Variants in PARD6A observed in about 807,000 individuals in gnomAD.
PARD6A encodes the protein partitioning defective 6 homolog alpha.
PARD6A carries 20 observed loss-of-function variants against 21.3 expected under a neutral mutation model. The observed-to-expected ratio is 0.94, with a 90% CI of 0.66 to 1.36. The LOEUF (loss-of-function observed/expected upper bound fraction) is 1.36, where lower values mean the gene tolerates loss of function less well. Ranked by LOEUF, PARD6A falls within the 40% of genes most tolerant of loss-of-function variation. The pLI, the probability that PARD6A is intolerant of heterozygous loss-of-function variation, is 0.00. For missense variants in PARD6A, 411 were observed against 482.0 expected (o/e 0.85, Z 1.38); for synonymous variants, 214 against 204.8 (o/e 1.04, Z -0.38).
chr16:67,662,754 T>A lies in PARD6A; in HGVS notation c.*107T>A. The A allele has an allele frequency of 9.2e-7, 1 of 1,089,176 alleles. No individual in the cohort carries two copies. The highest frequency in any genetic ancestry group is 1.3e-6 in the Non-Finnish European group (1 of 783,182). The allele number at this position is 1,089,176 out of a possible 1,614,324, so 67.5% of individuals were successfully genotyped here. The stretch of plus-strand genomic sequence containing the variant: ...AGGGCTCCCTCAGCCTGGGGAACAT[T>A]AAAGGTTTTCTACAAATACAGTCAT... On this transcript the variant is annotated 3_prime_UTR_variant, in exon 3 of 3. Transcript: ENST00000458121. The surrounding 1 kb of genome is among the most constrained non-coding windows in gnomAD (Gnocchi z 6.9).
At position 67,661,460 on chromosome 16, in the gene PARD6A, C is replaced by A; in HGVS notation, c.69C>A (p.Asp23Glu). 6.2e-7 allele frequency: 1 copy of A among 1,607,234 alleles called. No individual in the cohort carries two copies. The highest frequency in any genetic ancestry group is 8.5e-7 in the Non-Finnish European group (1 of 1,179,932). Residue 23 changes from aspartate to glutamate, a missense_variant, in exon 2 of 3, where the codon GAC becomes GAA. Coordinates refer to ENST00000458121, the MANE Select transcript of PARD6A (RefSeq NM_001037281.2). This position sits in a 1 kb window ranked among gnomAD's most constrained non-coding sequence, Gnocchi z 7.0. ...CCCCCAACCCCGACTTCCAGTTTGA[C>A]GCCGAGTTCCGACGCTTCGCGCTGC... ...DSIVEVKSKF[D>E]AEFRRFALPR...
chr16:67,662,515 G>T lies in PARD6A; in HGVS notation c.906G>T (p.Pro302=). The change falls in exon 3 of 3, where the codon CCG becomes CCT. Residue 302 remains proline, a synonymous_variant. Coordinates refer to ENST00000458121, the MANE Select transcript of PARD6A (RefSeq NM_001037281.2). The surrounding 1 kb of genome is among the most constrained non-coding windows in gnomAD (Gnocchi z 6.9). ...PSSNGLSQGP[P]CWDLHPGCRH... is the part of the protein sequence containing the mutation. Reference sequence around the variant, plus strand: ...CCAATGGGCTGTCTCAGGGGCCCCCGTGCTGGGACCTGCACCCTGGCTGCC... The same window carrying T: ...CCAATGGGCTGTCTCAGGGGCCCCCTTGCTGGGACCTGCACCCTGGCTGCC... The T allele has an allele frequency of 6.2e-7, 1 of 1,613,404 alleles. No homozygotes were observed. Among genetic ancestry groups the T allele is most frequent in the Non-Finnish European group, 8.5e-7 (1 of 1,180,016 alleles).
Position 67,662,692 on chromosome 16 carries a change from GC to G in PARD6A, c.*46del. ...TGCCACTCCACACTGCTGGGACATG[GC>G]AGGGACTTCACAGTGGGGGTTTTTA... On this transcript the variant is annotated 3_prime_UTR_variant, in exon 3 of 3. Coordinates refer to ENST00000458121, the MANE Select transcript of PARD6A (RefSeq NM_001037281.2). This position sits in a 1 kb window ranked among gnomAD's most constrained non-coding sequence, Gnocchi z 6.9. The G allele has an allele frequency of 6.8e-7, 1 of 1,477,792 alleles. No individual in the cohort carries two copies. Among genetic ancestry groups the G allele is most frequent in the Non-Finnish European group, 9.0e-7 (1 of 1,115,506 alleles). The allele number at this position is 1,477,792 out of a possible 1,614,324, so 91.5% of individuals were successfully genotyped here. A position where few individuals can be genotyped will look rare whatever the true frequency, so the allele number is the denominator to read the frequency against.
chr16:67,661,535 G>A lies in PARD6A; in HGVS notation c.144G>A (p.Ala48=), dbSNP rs750180592. The part of the protein sequence containing the change: ...GFQEFSRLLR[A]VHQIPGLDVL... ...AGGAGTTCTCGCGGTTGCTGCGGGCGGTGCACCAGATCCCGGGCCTGGACG... is the reference window on the plus strand; with the variant it reads ...AGGAGTTCTCGCGGTTGCTGCGGGCAGTGCACCAGATCCCGGGCCTGGACG... Residue 48 remains alanine (A), a synonymous_variant, in exon 2 of 3, where the codon GCG becomes GCA. Coordinates refer to ENST00000458121, the MANE Select transcript of PARD6A (RefSeq NM_001037281.2). The surrounding 1 kb of genome is among the most constrained non-coding windows in gnomAD (Gnocchi z 7.0). 1.7e-5 allele frequency: 28 copies of A among 1,610,160 alleles called. No individual in the cohort carries two copies. The highest frequency in any genetic ancestry group is 1.7e-5 in the Admixed American group (1 of 60,006).
rs149729712 is a variant in PARD6A at position 67,662,145 on chromosome 16, G to A, written c.536G>A (p.Arg179His). ...GFYIRDGMSV[R>H]VAPQGLERVP... The stretch of plus-strand genomic sequence containing the variant: ...TACATCCGAGATGGCATGAGCGTGC[G>A]TGTGGCTCCCCAGGGCCTGGAGCGG... Residue 179 changes from arginine to histidine, a missense_variant, in exon 3 of 3, where the codon CGT becomes CAT. By Grantham distance (29) the Arg-to-His change is conservative. Transcript: ENST00000458121. This position sits in a 1 kb window ranked among gnomAD's most constrained non-coding sequence, Gnocchi z 6.9. The A allele has an allele frequency of 1.2e-5, 19 of 1,613,800 alleles. No individual in the cohort carries two copies. The highest frequency in any genetic ancestry group is 2.2e-5 in the South Asian group (2 of 91,090).
chr16:67,662,332 C>G lies in PARD6A; in HGVS notation c.723C>G (p.Leu241=). The change falls in exon 3 of 3, where the codon CTC becomes CTG. Residue 241 remains leucine (L), a synonymous_variant. Transcript: ENST00000458121. The surrounding 1 kb of genome is among the most constrained non-coding windows in gnomAD (Gnocchi z 6.9). The part of the protein sequence containing the change: ...TDMMVANSHN[L]IVTVKPANQR... ...TGATGGTTGCCAACAGCCATAACCTCATTGTCACTGTCAAGCCCGCCAACC... is the reference window on the plus strand; with the variant it reads ...TGATGGTTGCCAACAGCCATAACCTGATTGTCACTGTCAAGCCCGCCAACC... 6.2e-7 allele frequency: 1 copy of G among 1,614,128 alleles called. No homozygotes were observed. Among genetic ancestry groups the G allele is most frequent in the Non-Finnish European group, 8.5e-7 (1 of 1,180,034 alleles).
Position 67,661,552 on chromosome 16 carries a change from G to C in PARD6A, c.161G>C (p.Gly54Ala), listed in dbSNP as rs748967256. 1.2e-6 allele frequency: 2 copies of C among 1,610,520 alleles called. No individual in the cohort carries two copies. Among genetic ancestry groups the C allele is most frequent in the Non-Finnish European group, 1.7e-6 (2 of 1,179,968 alleles). The change falls in exon 2 of 3, where the codon GGC becomes GCC. Residue 54 changes from glycine to alanine, a missense_variant. By Grantham distance (60) the Gly-to-Ala change is moderately conservative. Transcript: ENST00000458121. The surrounding 1 kb of genome is among the most constrained non-coding windows in gnomAD (Gnocchi z 7.0). ...CTGCGGGCGGTGCACCAGATCCCGG[G>C]CCTGGACGTGCTACTTGGCTATACG... ...RLLRAVHQIP[G>A]LDVLLGYTDA...
In PARD6A at chr16:67,661,723, T is replaced by G; in HGVS notation, c.286+46T>G. 1 of 1,591,948 alleles carries G rather than the reference T, an allele frequency of 6.3e-7. No homozygotes were observed. The highest frequency in any genetic ancestry group is 1.3e-5 in the African/African-American group (1 of 74,792). ...CAGCCTCTGTGGGGTAAGGTGTCTG[T>G]GGGGCAGGTCTACAAGGGTTAGTCC... On this transcript the variant is annotated intron_variant, in intron 2 of 2. Coordinates refer to ENST00000458121, the MANE Select transcript of PARD6A (RefSeq NM_001037281.2). This position sits in a 1 kb window ranked among gnomAD's most constrained non-coding sequence, Gnocchi z 7.0.
In PARD6A at chr16:67,662,362, C is replaced by T. The variant is rs772904127; in HGVS notation, c.753C>T (p.Arg251=). 20 of 1,614,120 alleles carry T rather than the reference C, an allele frequency of 1.2e-5. No individual in the cohort carries two copies. The Admixed American group carries it at 3.3e-4, about 27-fold the overall frequency. ...TCACTGTCAAGCCCGCCAACCAGCG[C>T]AATAACGTGGTGCGAGGGGCATCTG... is the stretch of plus-strand genomic sequence containing the variant. The part of the protein sequence containing the change: ...LIVTVKPANQ[R]NNVVRGASGR... The change falls in exon 3 of 3, where the codon CGC becomes CGT. Residue 251 remains arginine, a synonymous_variant. Transcript: ENST00000458121. This position sits in a 1 kb window ranked among gnomAD's most constrained non-coding sequence, Gnocchi z 6.9.
In PARD6A at chr16:67,662,622, G is replaced by A. The variant is rs1356803044; in HGVS notation, c.1013G>A (p.Gly338Glu). 1.9e-6 allele frequency: 3 copies of A among 1,593,030 alleles called. No homozygotes were observed. Among genetic ancestry groups the A allele is most frequent in the Admixed American group, 3.4e-5 (2 of 58,460 alleles). ...ASSGWGSRIR[G>E]DGSGFSL ...TCTGGCTGGGGGAGTCGCATTCGAGGAGATGGTAGTGGCTTCAGCCTCTGA... is the reference window on the plus strand; with the variant it reads ...TCTGGCTGGGGGAGTCGCATTCGAGAAGATGGTAGTGGCTTCAGCCTCTGA... The change falls in exon 3 of 3, where the codon GGA (glycine) becomes GAA (glutamate). Residue 338 changes from glycine to glutamate, a missense_variant. Transcript: ENST00000458121. The surrounding 1 kb of genome is among the most constrained non-coding windows in gnomAD (Gnocchi z 6.9).
In PARD6A at chr16:67,662,612, C is replaced by T. The variant is rs201234158; in HGVS notation, c.1003C>T (p.Arg335Cys). The change falls in exon 3 of 3, where the codon CGC (arginine) becomes TGC (cysteine). Residue 335 changes from arginine to cysteine, a missense_variant. Coordinates refer to ENST00000458121, the MANE Select transcript of PARD6A (RefSeq NM_001037281.2). This position sits in a 1 kb window ranked among gnomAD's most constrained non-coding sequence, Gnocchi z 6.9. ...QEQASSGWGS[R>C]IRGDGSGFSL Reference sequence around the variant, plus strand: ...GCAGGCCAGTTCTGGCTGGGGGAGTCGCATTCGAGGAGATGGTAGTGGCTT... The same window carrying T: ...GCAGGCCAGTTCTGGCTGGGGGAGTTGCATTCGAGGAGATGGTAGTGGCTT... 21 of 1,600,894 alleles carry T rather than the reference C, an allele frequency of 1.3e-5. No individual in the cohort carries two copies. Among genetic ancestry groups the T allele is most frequent in the East Asian group, 4.5e-5 (2 of 44,730 alleles).
rs756232775 is a variant in PARD6A, at chr16:67,662,522, G to A, written c.913G>A (p.Asp305Asn). 1 of 1,613,342 alleles carries A rather than the reference G, an allele frequency of 6.2e-7. No homozygotes were observed. Among genetic ancestry groups the A allele is most frequent in the Non-Finnish European group, 8.5e-7 (1 of 1,180,008 alleles). ...NGLSQGPPCW[D>N]LHPGCRHPGT... Reference sequence around the variant, plus strand: ...GCTGTCTCAGGGGCCCCCGTGCTGGGACCTGCACCCTGGCTGCCGACATCC... The same window carrying A: ...GCTGTCTCAGGGGCCCCCGTGCTGGAACCTGCACCCTGGCTGCCGACATCC... Residue 305 changes from aspartate to asparagine, a missense_variant, in exon 3 of 3, where the codon GAC becomes AAC. Coordinates refer to ENST00000458121, the MANE Select transcript of PARD6A (RefSeq NM_001037281.2). This position sits in a 1 kb window ranked among gnomAD's most constrained non-coding sequence, Gnocchi z 6.9.
rs769087929 is a variant in PARD6A, at chr16:67,662,642, C to T, written c.1033C>T (p.Leu345Phe). ...TCGAGGAGATGGTAGTGGCTTCAGCCTCTGACAGTCAGGATGAAGCCCCAT... is the reference window on the plus strand; with the variant it reads ...TCGAGGAGATGGTAGTGGCTTCAGCTTCTGACAGTCAGGATGAAGCCCCAT... ...RIRGDGSGFS[L>F] Residue 345 changes from leucine to phenylalanine, a missense_variant, in exon 3 of 3, where the codon CTC (leucine) becomes TTC (phenylalanine). By Grantham distance (22) the Leu-to-Phe change is conservative. Transcript: ENST00000458121. The surrounding 1 kb of genome is among the most constrained non-coding windows in gnomAD (Gnocchi z 6.9). 1.0e-5 allele frequency: 16 copies of T among 1,560,952 alleles called. No individual in the cohort carries two copies. Among genetic ancestry groups the T allele is most frequent in the Non-Finnish European group, 1.4e-5 (16 of 1,152,846 alleles).
chr16:67,661,040 TGGCCC>T lies in PARD6A; in HGVS notation c.7_11del (p.Arg3_?4). 3 of 1,560,746 alleles carry T rather than the reference TGGCCC, an allele frequency of 1.9e-6. No homozygotes were observed. Among genetic ancestry groups the T allele is most frequent in the Non-Finnish European group, 2.6e-6 (3 of 1,151,000 alleles). On this transcript the variant is annotated frameshift_variant and start_lost, in exon 1 of 3. Transcript: ENST00000458121. LOFTEE classifies it high-confidence loss of function. This position sits in a 1 kb window ranked among gnomAD's most constrained non-coding sequence, Gnocchi z 7.0. ...GTCCCCGGCCCGCCCGGCCCCGCCATGGCCCGGCCGCAGAGGACTCCGGCGCGCAG... is the reference window on the plus strand; with the variant it reads ...GTCCCCGGCCCGCCCGGCCCCGCCATGGCCGCAGAGGACTCCGGCGCGCAG...
Position 67,661,447 on chromosome 16 carries a change from A to C in PARD6A, c.64-8A>C, listed in dbSNP as rs146598152. The C allele has an allele frequency of 6.2e-7, 1 of 1,605,644 alleles. No homozygotes were observed. Among genetic ancestry groups the C allele is most frequent in the Non-Finnish European group, 8.5e-7 (1 of 1,179,872 alleles). On this transcript the variant is annotated splice_polypyrimidine_tract_variant and splice_region_variant and intron_variant, in intron 1 of 2. Coordinates refer to ENST00000458121, the MANE Select transcript of PARD6A (RefSeq NM_001037281.2). This position sits in a 1 kb window ranked among gnomAD's most constrained non-coding sequence, Gnocchi z 7.0. ...TGACTCCTCCTCTCCCCCAACCCCGACTTCCAGTTTGACGCCGAGTTCCGA... is the reference window on the plus strand; with the variant it reads ...TGACTCCTCCTCTCCCCCAACCCCGCCTTCCAGTTTGACGCCGAGTTCCGA...
chr16:67,662,447 G>A lies in PARD6A; in HGVS notation c.838G>A (p.Asp280Asn). 1 of 1,613,720 alleles carries A rather than the reference G, an allele frequency of 6.2e-7. No individual in the cohort carries two copies. The highest frequency in any genetic ancestry group is 8.5e-7 in the Non-Finnish European group (1 of 1,179,948). The change falls in exon 3 of 3, where the codon GAC becomes AAC. Residue 280 changes from aspartate to asparagine, a missense_variant. Physicochemically the swap from Asp to Asn is conservative, Grantham distance 23. Transcript: ENST00000458121. This position sits in a 1 kb window ranked among gnomAD's most constrained non-coding sequence, Gnocchi z 6.9. ...PGPAEPDSDD[D>N]SSDLVIENRQ... is the part of the protein sequence containing the mutation. Reference sequence around the variant, plus strand: ...GCCTGCTGAGCCTGATAGTGACGATGACAGCAGTGACCTGGTCATTGAGAA... The same window carrying A: ...GCCTGCTGAGCCTGATAGTGACGATAACAGCAGTGACCTGGTCATTGAGAA...
chr16:67,662,195 C>T lies in PARD6A; in HGVS notation c.586C>T (p.Leu196=). 1 of 1,614,040 alleles carries T rather than the reference C, an allele frequency of 6.2e-7. No homozygotes were observed. The highest frequency in any genetic ancestry group is 8.5e-7 in the Non-Finnish European group (1 of 1,180,034). ...GGTTCCAGGAATCTTCATCTCCCGC[C>T]TGGTACGTGGGGGTCTGGCTGAGAG... ...ERVPGIFISR[L]VRGGLAESTG... Residue 196 remains leucine (L), a synonymous_variant, in exon 3 of 3, where the codon CTG becomes TTG. Coordinates refer to ENST00000458121, the MANE Select transcript of PARD6A (RefSeq NM_001037281.2). This position sits in a 1 kb window ranked among gnomAD's most constrained non-coding sequence, Gnocchi z 6.9.
chr16:67,661,128 A>T lies in PARD6A; in HGVS notation c.63+27A>T. Reference sequence around the variant, plus strand: ...TAAGGGCTCCTCCGGCCTCGGCCCTAGGCGCTCCCAATTCCCTCTTTCTCC... The same window carrying T: ...TAAGGGCTCCTCCGGCCTCGGCCCTTGGCGCTCCCAATTCCCTCTTTCTCC... On this transcript the variant is annotated intron_variant, in intron 1 of 2. Coordinates refer to ENST00000458121, the MANE Select transcript of PARD6A (RefSeq NM_001037281.2). This position sits in a 1 kb window ranked among gnomAD's most constrained non-coding sequence, Gnocchi z 7.0. The T allele has an allele frequency of 1.3e-6, 2 of 1,580,742 alleles. No homozygotes were observed. Among genetic ancestry groups the T allele is most frequent in the Non-Finnish European group, 1.7e-6 (2 of 1,151,270 alleles).
Position 67,662,650 on chromosome 16 carries a change from G to T in PARD6A, c.*3G>T. The T allele has an allele frequency of 6.5e-7, 1 of 1,549,522 alleles. No homozygotes were observed. ...ATGGTAGTGGCTTCAGCCTCTGACA[G>T]TCAGGATGAAGCCCCATGCCACTCC... is the stretch of plus-strand genomic sequence containing the variant. On this transcript the variant is annotated 3_prime_UTR_variant, in exon 3 of 3. Coordinates refer to ENST00000458121, the MANE Select transcript of PARD6A (RefSeq NM_001037281.2). This position sits in a 1 kb window ranked among gnomAD's most constrained non-coding sequence, Gnocchi z 6.9.
Sources: allele counts gnomAD v4.1 joint callset, GRCh38; gene constraint gnomAD v4.1.1; non-coding constraint Gnocchi (gnomAD v3.1); transcripts MANE v1.5; gene names NCBI Gene and HGNC (gene_info 2026-07-23, HGNC 2026-07-21).